Variants in RANBP2 observed in about 807,000 individuals in gnomAD.
RANBP2 encodes the protein RAN binding protein 2.
Under a neutral mutation model 303.6 loss-of-function variants are expected in RANBP2, and 57 were observed. That is an observed-to-expected ratio of 0.19 (90% CI 0.15 to 0.23). The LOEUF is 0.23. Ranked by LOEUF, RANBP2 falls within the 10% of genes least tolerant of loss-of-function variation. RANBP2 has a pLI of 1.00. For synonymous variants in RANBP2, 1,167 were observed against 1,301.5 expected (o/e 0.90, Z 2.23); for missense variants, 3,138 against 3,780.8 (o/e 0.83, Z 4.46).
the RANBP2 span, among the ~76,000 whole-genome samples, chr2:109,714,113 C>A: frequency 6.6e-6 from 1 of 152,090 alleles, no homozygotes; most frequent in Non-Finnish European, 1.5e-5. Flanking sequence ...TAGGGTCTTG[C>A]TCTGTCACCC....
the RANBP2 span, among the ~76,000 whole-genome samples, chr2:109,346,784 G>A: frequency 6.6e-6 from 1 of 152,196 alleles, no homozygotes; most frequent in African/African-American, 2.4e-5. Context: ...GAGGATGGCA[G>A]AACAGGTGCA....
the RANBP2 span, among the ~76,000 whole-genome samples, chr2:108,850,119 C>A: frequency 1.3e-5 from 2 of 152,156 alleles, no homozygotes; most frequent in African/African-American, 2.4e-5. Flanking sequence ...AGCTATTTAT[C>A]CTTTATCGTT....
the RANBP2 span, among the ~76,000 whole-genome samples, chr2:109,712,537 T>C: frequency 1.3e-5 from 2 of 152,196 alleles, no homozygotes; most frequent in African/African-American, 4.8e-5. Context: ...GTTCAAGCGA[T>C]TCTCCTGCCT....
the RANBP2 span, among the ~76,000 whole-genome samples, chr2:109,333,433 T>C: frequency 1.3e-5 from 2 of 152,244 alleles, no homozygotes; most frequent in Non-Finnish European, 2.9e-5. Context: ...AAAACAAGCC[T>C]AACCTTAGTC....
At chr2:108,875,939 C>A in the RANBP2 span, 2 of 564,756 alleles carry the variant, frequency 3.5e-6, no homozygotes, top group South Asian at 2.9e-5. Flanking sequence ...TTTGTTTCAG[C>A]ATTCTAATCT....
At chr2:109,644,965 C>T in the RANBP2 span, among the ~76,000 whole-genome samples, 6 of 152,316 alleles carry the variant, frequency 3.9e-5, no homozygotes, top group Non-Finnish European at 8.8e-5. Context: ...TTTGCTCCTG[C>T]GAGTTCCCAC....
chr2:108,923,545 G>T, the RANBP2 span: 1 of 1,192,956 alleles, frequency 8.4e-7, no homozygotes, highest in Non-Finnish European at 1.2e-6. Context: ...CCAGTCTGCA[G>T]GCCCACAATC....
At chr2:109,581,088 C>G in the RANBP2 span, among the ~76,000 whole-genome samples, 1 of 152,218 alleles carries the variant, frequency 6.6e-6, no homozygotes, top group Non-Finnish European at 1.5e-5. Context: ...TAGAGCTATG[C>G]TAGTGGTTAC....
At chr2:108,943,985 T>G in the RANBP2 span, among the ~76,000 whole-genome samples, 2 of 152,224 alleles carry the variant, frequency 1.3e-5, no homozygotes, top group African/African-American at 2.4e-5. Context: ...GGTGAATGCA[T>G]GTGGAAGTGT....
At chr2:108,966,471 G>A in the RANBP2 span, among the ~76,000 whole-genome samples, 11 of 152,174 alleles carry the variant, frequency 7.2e-5, no homozygotes, top group Non-Finnish European at 1.0e-4. Context: ...CTCATCTCGC[G>A]GGCCCCGGTG....
At chr2:109,476,691 A>C in the RANBP2 span, among the ~76,000 whole-genome samples, 1 of 152,228 alleles carries the variant, frequency 6.6e-6, no homozygotes, top group African/African-American at 2.4e-5. Flanking sequence ...ATTCAGGGTG[A>C]GTCTGTAAAG....
chr2:108,882,004 A>G, the RANBP2 span, among the ~76,000 whole-genome samples: 1 of 151,942 alleles, frequency 6.6e-6, no homozygotes, highest in Non-Finnish European at 1.5e-5. Flanking sequence ...ACAGAAATAA[A>G]CCAGCCAGTC....
chr2:109,240,436 CAA>C, the RANBP2 span, among the ~76,000 whole-genome samples: 1 of 152,030 alleles, frequency 6.6e-6, no homozygotes, highest in African/African-American at 2.4e-5. Flanking sequence ...TGCAGTGAGC[CAA>C]GATCGCACCT....
chr2:108,876,459 A>C, the RANBP2 span: 1 of 349,696 alleles, frequency 2.9e-6, no homozygotes, highest in Non-Finnish European at 5.1e-6. Flanking sequence ...TAATACTAAT[A>C]TACAAGATGG....
the RANBP2 span, among the ~76,000 whole-genome samples, chr2:109,415,043 G>T: frequency 6.6e-6 from 1 of 152,208 alleles, no homozygotes. Flanking sequence ...GAAGGGGATG[G>T]CGTGGTGGAA....
chr2:109,335,994 C>T, the RANBP2 span, among the ~76,000 whole-genome samples: 2 of 152,104 alleles, frequency 1.3e-5, no homozygotes, highest in African/African-American at 2.4e-5. Context: ...TCGAGACATT[C>T]GGGCTGATTT....
chr2:108,916,757 G>C, the RANBP2 span, among the ~76,000 whole-genome samples: 1 of 152,158 alleles, frequency 6.6e-6, no homozygotes, highest in Non-Finnish European at 1.5e-5. Flanking sequence ...TTTCTCCAGA[G>C]CTCAGCCTCT....
At chr2:109,151,235 T>C in the RANBP2 span, among the ~76,000 whole-genome samples, 1 of 152,236 alleles carries the variant, frequency 6.6e-6, no homozygotes, top group Non-Finnish European at 1.5e-5. Flanking sequence ...TGCTGTCTTC[T>C]TGTCCGAGGC....
At chr2:109,622,428 G>C in the RANBP2 span, among the ~76,000 whole-genome samples, 1 of 152,162 alleles carries the variant, frequency 6.6e-6, no homozygotes, top group Non-Finnish European at 1.5e-5. Flanking sequence ...GCAGAAGAGA[G>C]CAAACTAAGA....
Sources: gnomAD v4.1 joint callset for allele counts (sites outside exome capture counted in the v4.1 genomes callset) on GRCh38, gnomAD v4.1.1 for gene constraint, MANE v1.5 for transcripts, NCBI Gene and HGNC (gene_info 2026-07-23, HGNC 2026-07-21) for gene names.